The following KHDRBS2 variants were observed in gnomAD, a reference collection of about 807,000 sequenced individuals.
KHDRBS2 encodes the protein KH domain-containing, RNA-binding, signal transduction-associated protein 2.
A neutral mutation model predicts 44.3 loss-of-function variants in KHDRBS2; 26 were observed. That is an observed-to-expected ratio of 0.59 (90% confidence interval 0.43 to 0.81). KHDRBS2 has a LOEUF of 0.81. KHDRBS2 is among the 40% of genes least tolerant of loss of function. KHDRBS2 has a pLI of 0.00. For missense variants in KHDRBS2, 476 were observed against 433.1 expected, an observed-to-expected ratio of 1.10 and a Z score of -0.88; for synonymous variants, 194 against 151.1, an observed-to-expected ratio of 1.28 and a Z score of -2.08.
At chr6:61,726,703 T>C (rs1437913288) in intron 7 of KHDRBS2, among the ~76,000 whole-genome samples, 1 of 151,908 alleles carries the variant, frequency 6.6e-6, no homozygotes, top group Non-Finnish European at 1.5e-5. Context: ...TATCTAGAAG[T>C]CCAGCTAGCA....
chr6:61,793,891 G>C (rs1192072), intron 6 of KHDRBS2, among the ~76,000 whole-genome samples: 1 of 151,768 alleles, frequency 6.6e-6, no homozygotes, highest in Admixed American at 6.6e-5. Flanking sequence ...CTTTGAATTA[G>C]AGGGGTGTTA....
At position 61,945,150 on chromosome 6, in the gene KHDRBS2, T is replaced by TATAC. The variant is rs371595813; in HGVS notation, c.483+32915_483+32916insGTAT. 4.3e-3 allele frequency among the ~76,000 whole-genome samples: 372 copies of TATAC among 86,978 alleles called. 23 individuals are homozygous for TATAC. The highest frequency in any genetic ancestry group is 0.012 in the African/African-American group (272 of 23,334). The allele number at this position is 86,978 out of a possible 152,430, so 57.1% of individuals were successfully genotyped here. On this transcript the variant is annotated intron_variant, in intron 4 of 8. Coordinates refer to ENST00000281156, the MANE Select transcript of KHDRBS2 (RefSeq NM_152688.4). ...ATATATATATATATATATATATATA[T>TATAC]ACACACAGACTTGTCTTGATAAAGT...
chr6:62,093,761 CTTAT>C (rs1799947848), intron 2 of KHDRBS2, among the ~76,000 whole-genome samples: 1 of 151,366 alleles, frequency 6.6e-6, no homozygotes, highest in African/African-American at 2.4e-5. Context: ...CTGTGCTTGC[CTTAT>C]TTAATTTAAC....
chr6:61,934,941 T>G (rs1373012890), intron 4 of KHDRBS2, among the ~76,000 whole-genome samples: 1 of 152,200 alleles, frequency 6.6e-6, no homozygotes, highest in African/African-American at 2.4e-5. Context: ...TGCTACTAAG[T>G]ATGGCTTCTA....
At chr6:62,123,085 G>A (rs541999296) in intron 2 of KHDRBS2, among the ~76,000 whole-genome samples, 2 of 152,076 alleles carry the variant, frequency 1.3e-5, no homozygotes, top group African/African-American at 4.8e-5. Context: ...AGTGTGTGAC[G>A]TTCCCTGCCC....
At chr6:62,001,947 A>T (rs1199700343) in intron 3 of KHDRBS2, among the ~76,000 whole-genome samples, 1 of 152,154 alleles carries the variant, frequency 6.6e-6, no homozygotes, top group Admixed American at 6.6e-5. Context: ...TTCAAGAAGC[A>T]AGTGAACTTG....
rs554678126 is a variant in KHDRBS2, at chr6:61,757,949, T to A, written c.811-25185A>T. Among the ~76,000 whole-genome samples, 4 of 152,256 alleles carry A rather than the reference T, an allele frequency of 2.6e-5. No individual in the cohort carries two copies. The East Asian group carries it at 7.7e-4, about 29-fold the overall frequency. On this transcript the variant is annotated intron_variant, in intron 6 of 8. Transcript: ENST00000281156. The stretch of plus-strand genomic sequence containing the variant: ...CCTCTGATATTTTAGGCAGTCATTT[T>A]CCCCCGAACTCAGTTATTTATTCCC...
At chr6:62,216,262 A>T (rs1207576905) in intron 1 of KHDRBS2, among the ~76,000 whole-genome samples, 3 of 151,858 alleles carry the variant, frequency 2.0e-5, no homozygotes, top group Non-Finnish European at 4.4e-5. Context: ...GCCACAGAAG[A>T]TACTCAATGA....
intron 5 of KHDRBS2, among the ~76,000 whole-genome samples, chr6:61,895,341 T>G (rs1246492223): frequency 2.6e-5 from 4 of 152,152 alleles, no homozygotes; most frequent in African/African-American, 9.7e-5. Context: ...TGGCTGCACT[T>G]AAATAAAATG....
intron 2 of KHDRBS2, among the ~76,000 whole-genome samples, chr6:62,086,943 GA>G (rs566790054): frequency 0.021 from 2,713 of 129,346 alleles, 30 homozygotes; most frequent in Non-Finnish European, 0.026. Context: ...TGCAATAACT[GA>G]AAAAAAAAAA....
At chr6:62,011,686 A>G (rs184794660) in intron 3 of KHDRBS2, among the ~76,000 whole-genome samples, 42 of 152,060 alleles carry the variant, frequency 2.8e-4, no homozygotes, top group African/African-American at 8.9e-4. Flanking sequence ...TTGATTTCTT[A>G]TTTTTATTGG....
Position 62,261,395 on chromosome 6 carries a change from A to C in KHDRBS2, c.91+24463T>G, listed in dbSNP as rs527657567. Among the ~76,000 whole-genome samples the C allele has an allele frequency of 3.3e-5, 5 of 151,972 alleles. No homozygotes were observed. The South Asian group carries it at 8.3e-4, about 25-fold the overall frequency. On this transcript the variant is annotated intron_variant, in intron 1 of 8. Transcript: ENST00000281156. The stretch of plus-strand genomic sequence containing the variant: ...ATTTTGACAGAAGCCCACCTGTCTC[A>C]ATGAGTTGTAACTAATTAGTCCCAT...
At chr6:61,638,410 G>C in the KHDRBS2 span, among the ~76,000 whole-genome samples, 3 of 152,082 alleles carry the variant, frequency 2.0e-5, no homozygotes, top group African/African-American at 7.2e-5. Context: ...ATGGGGAAAG[G>C]ATTCCCTATT....
At chr6:62,120,940 A>T (rs1807484909) in intron 2 of KHDRBS2, among the ~76,000 whole-genome samples, 1 of 152,064 alleles carries the variant, frequency 6.6e-6, no homozygotes. Flanking sequence ...GGGAAAGAGG[A>T]ATGTTCAGAC....
intron 4 of KHDRBS2, among the ~76,000 whole-genome samples, chr6:61,945,207 T>G (rs1426132469): frequency 8.7e-6 from 1 of 115,380 alleles, no homozygotes; most frequent in Non-Finnish European, 1.9e-5. Context: ...TATTAATGAT[T>G]AAAAATTTAA....
intron 4 of KHDRBS2, among the ~76,000 whole-genome samples, chr6:61,954,837 T>TATACATATGC: frequency 3.2e-5 from 2 of 62,920 alleles, no homozygotes; most frequent in East Asian, 7.0e-4. Flanking sequence ...CATGCATATG[T>TATACATATGC]ATGTATACAT....
chr6:61,783,672 GA>G lies in KHDRBS2; in HGVS notation c.811-50909del, dbSNP rs1459843166. Among the ~76,000 whole-genome samples, 3 of 151,870 alleles carry G rather than the reference GA, an allele frequency of 2.0e-5. No individual in the cohort carries two copies. The East Asian group carries it at 5.8e-4, about 29-fold the overall frequency. On this transcript the variant is annotated intron_variant, in intron 6 of 8. Transcript: ENST00000281156. ...AACTTATATAATTAAGATTATCCAT[GA>G]AAAAATTTAGAACCCCACCATCTCT...
intron 2 of KHDRBS2, among the ~76,000 whole-genome samples, chr6:62,078,839 A>T (rs958096043): frequency 2.1e-4 from 32 of 152,068 alleles, no homozygotes; most frequent in Non-Finnish European, 4.3e-4. Context: ...CTTCAGAGAC[A>T]ATCAATATGT....
the KHDRBS2 span, among the ~76,000 whole-genome samples, chr6:61,580,004 C>T: frequency 6.6e-6 from 1 of 152,040 alleles, no homozygotes; most frequent in Non-Finnish European, 1.5e-5. Flanking sequence ...TTGTGGTGAG[C>T]CCAGATCAAG....
Sources: gnomAD v4.1 joint callset for allele counts (sites outside exome capture counted in the v4.1 genomes callset) on GRCh38, gnomAD v4.1.1 for gene constraint, MANE v1.5 for transcripts, NCBI Gene and HGNC (gene_info 2026-07-23, HGNC 2026-07-21) for gene names.